EPHA6: variants seen among roughly 807,000 people sequenced by gnomAD.
EPHA6 encodes ephrin type-A receptor 6.
A neutral mutation model predicts 112.0 loss-of-function variants in EPHA6; 50 were observed. That is an observed-to-expected ratio of 0.45 (90% CI 0.36 to 0.56). EPHA6 has a LOEUF of 0.56. EPHA6 is among the 20% of genes least tolerant of loss of function. The probability of loss-of-function intolerance (pLI) is 0.00; values close to 1 mark genes in which losing one functional copy is unlikely to be tolerated. For synonymous variants in EPHA6, 529 were observed against 490.7 expected (o/e 1.08, Z -1.03); for missense variants, 1,280 against 1,417.4 (o/e 0.90, Z 1.56).
At position 96,889,150 on chromosome 3, in the gene EPHA6, A is replaced by ATCAC. The variant is rs890120219; in HGVS notation, c.450+22263_450+22266dup. 6.6e-5 allele frequency among the ~76,000 whole-genome samples: 10 copies of ATCAC among 152,300 alleles called. 1 individual carries two copies. Among genetic ancestry groups the ATCAC allele is most frequent in the South Asian group, 4.1e-4 (2 of 4,832 alleles). On this transcript the variant is annotated intron_variant, in intron 2 of 17. Transcript: ENST00000389672. Reference sequence around the variant, plus strand: ...TATCAGCCTGGACTTTACTGTACATATCACTGTCAACATTTTGGACAAAGC... The same window carrying ATCAC: ...TATCAGCCTGGACTTTACTGTACATATCACTCACTGTCAACATTTTGGACAAAGC...
intron 10 of EPHA6, among the ~76,000 whole-genome samples, chr3:97,509,345 A>G (rs2107585045): frequency 6.6e-6 from 1 of 152,096 alleles, no homozygotes; most frequent in African/African-American, 2.4e-5. Flanking sequence ...TTGCATGTTT[A>G]GTGCTTCCTT....
intron 4 of EPHA6, among the ~76,000 whole-genome samples, chr3:97,242,183 C>A (rs1479750723): frequency 6.6e-6 from 1 of 151,718 alleles, no homozygotes; most frequent in Non-Finnish European, 1.5e-5. Context: ...AGGTCCCTTC[C>A]TGTTGTACAT....
chr3:96,986,068 G>A (rs1223088304), intron 2 of EPHA6, among the ~76,000 whole-genome samples: 1 of 152,028 alleles, frequency 6.6e-6, no homozygotes, highest in Non-Finnish European at 1.5e-5. Context: ...TCCCAAAAAT[G>A]CCATAAGGTT....
intron 4 of EPHA6, among the ~76,000 whole-genome samples, chr3:97,234,979 T>A (rs915144553): frequency 6.6e-6 from 1 of 152,110 alleles, no homozygotes; most frequent in African/African-American, 2.4e-5. Flanking sequence ...TCAAAGATGC[T>A]GAACTTGTGT....
At chr3:97,226,577 T>G (rs748737647) in intron 4 of EPHA6, among the ~76,000 whole-genome samples, 158 bp downstream of exon 4, 1 of 152,230 alleles carries the variant, frequency 6.6e-6, no homozygotes, top group Non-Finnish European at 1.5e-5. Flanking sequence ...CTTCTCAGCA[T>G]AGTTGCTTTT....
intron 3 of EPHA6, among the ~76,000 whole-genome samples, chr3:97,176,471 G>C (rs929463490): frequency 4.6e-5 from 7 of 151,854 alleles, no homozygotes; most frequent in Non-Finnish European, 5.9e-5. Flanking sequence ...GAGTAGGATT[G>C]ATATTAGTTT....
intron 12 of EPHA6, among the ~76,000 whole-genome samples, chr3:97,601,088 C>A (rs1478803146): frequency 6.6e-6 from 1 of 151,960 alleles, no homozygotes; most frequent in African/African-American, 2.4e-5. Flanking sequence ...ATATATATGG[C>A]TATTTAAATT....
chr3:97,577,820 G>T (rs1040045811), intron 11 of EPHA6, among the ~76,000 whole-genome samples: 1 of 151,508 alleles, frequency 6.6e-6, no homozygotes, highest in African/African-American at 2.4e-5. Context: ...TGTTTTTCTT[G>T]GTTTTTTTTG....
intron 3 of EPHA6, among the ~76,000 whole-genome samples, chr3:97,158,927 T>A (rs957230207): frequency 6.6e-6 from 1 of 152,110 alleles, no homozygotes; most frequent in African/African-American, 2.4e-5. Context: ...TAGCTTTTTA[T>A]GTTGTAGCCA....
At chr3:97,001,408 C>T (rs931898244) in intron 3 of EPHA6, among the ~76,000 whole-genome samples, 2 of 151,758 alleles carry the variant, frequency 1.3e-5, no homozygotes, top group Non-Finnish European at 2.9e-5. Flanking sequence ...ATTTTTGAGT[C>T]CTTTGAGACA....
chr3:97,281,958 TGTGGCACACATAATAA>T (rs2080300749), intron 5 of EPHA6, among the ~76,000 whole-genome samples: 1 of 152,188 alleles, frequency 6.6e-6, no homozygotes, highest in Non-Finnish European at 1.5e-5. Flanking sequence ...TTTTTAATAA[TGTGGCACACATAATAA>T]GTGTTCAGTA....
intron 2 of EPHA6, among the ~76,000 whole-genome samples, chr3:96,879,271 A>T (rs912299472): frequency 6.6e-6 from 1 of 152,092 alleles, no homozygotes; most frequent in Admixed American, 6.6e-5. Context: ...TGGATACAAG[A>T]TCAATATATG....
At chr3:97,104,963 G>A (rs144113051) in intron 3 of EPHA6, among the ~76,000 whole-genome samples, 1 of 152,020 alleles carries the variant, frequency 6.6e-6, no homozygotes, top group East Asian at 1.9e-4. Flanking sequence ...ATGCTTGCTT[G>A]TATTTCTGTG....
At chr3:97,045,208 T>G (rs1359541264) in intron 3 of EPHA6, among the ~76,000 whole-genome samples, 1 of 152,020 alleles carries the variant, frequency 6.6e-6, no homozygotes, top group East Asian at 1.9e-4. Context: ...TAATGTATAG[T>G]TAAAAAACAT....
chr3:96,903,544 A>G (rs970735901), intron 2 of EPHA6, among the ~76,000 whole-genome samples: 3 of 152,200 alleles, frequency 2.0e-5, no homozygotes, highest in Non-Finnish European at 4.4e-5. Context: ...ACTTTACTAT[A>G]AAGTTTGTTA....
chr3:96,876,824 T>C (rs1343850645), intron 2 of EPHA6, among the ~76,000 whole-genome samples: 1 of 152,138 alleles, frequency 6.6e-6, no homozygotes, highest in East Asian at 1.9e-4. Context: ...TATTGGTCTC[T>C]TAAGACAGAA....
chr3:97,415,050 G>A (rs979416496), intron 6 of EPHA6, among the ~76,000 whole-genome samples: 1 of 151,948 alleles, frequency 6.6e-6, no homozygotes, highest in East Asian at 1.9e-4. Flanking sequence ...GGCTTTGCTC[G>A]AAAAAGGTAA....
chr3:97,430,946 G>T (rs2089465055), intron 6 of EPHA6, among the ~76,000 whole-genome samples: 1 of 152,008 alleles, frequency 6.6e-6, no homozygotes, highest in Admixed American at 6.6e-5. Context: ...TCACGTATTT[G>T]CAGTGACCTT....
Position 97,113,848 on chromosome 3 carries a change from A to G in EPHA6, c.1115-112416A>G, listed in dbSNP as rs553980589. 2.6e-5 allele frequency among the ~76,000 whole-genome samples: 4 copies of G among 152,240 alleles called. No individual in the cohort carries two copies. In the South Asian group the frequency reaches 8.3e-4, roughly 32 times the overall value. Reference sequence around the variant, plus strand: ...CAGACTTTTTTCTTATAATTCAGCTATAAGGAAAAGAAAAACAAAAACAAT... The same window carrying G: ...CAGACTTTTTTCTTATAATTCAGCTGTAAGGAAAAGAAAAACAAAAACAAT... On this transcript the variant is annotated intron_variant, in intron 3 of 17. Coordinates refer to ENST00000389672, the MANE Select transcript of EPHA6 (RefSeq NM_001080448.3).
Sources: allele counts gnomAD v4.1 joint callset (sites outside exome capture counted in the v4.1 genomes callset), GRCh38; gene constraint gnomAD v4.1.1; transcripts MANE v1.5; gene names NCBI Gene and HGNC (gene_info 2026-07-23, HGNC 2026-07-21).